ITGAX: variants seen among roughly 807,000 people sequenced by gnomAD.
The protein encoded by ITGAX is integrin subunit alpha X.
In ITGAX, 99 loss-of-function variants were observed where a neutral mutation model predicts 140.2. The ratio of observed to expected loss-of-function variants is 0.71; its 90% CI spans 0.60 to 0.83. The LOEUF (loss-of-function observed/expected upper bound fraction) is 0.83, where lower values mean the gene tolerates loss of function less well. ITGAX is among the 40% of genes least tolerant of loss of function. The probability of loss-of-function intolerance (pLI) is 0.00; values close to 1 mark genes in which losing one functional copy is unlikely to be tolerated. For missense variants in ITGAX, 1,444 were observed against 1,482.0 expected, an observed-to-expected ratio of 0.97 and a Z score of 0.42; for synonymous variants, 631 against 600.4, an observed-to-expected ratio of 1.05 and a Z score of -0.75.
At chr16:31,361,542 C>T (rs1014166386) in intron 9 of ITGAX, 17 of 698,006 alleles carry the variant, frequency 2.4e-5, no homozygotes, top group Non-Finnish European at 4.3e-5. Flanking sequence ...ATCCCACCAG[C>T]CACTCACTCC....
At chr16:31,378,693 A>T (rs939052156) in intron 23 of ITGAX, among the ~76,000 whole-genome samples, 1 of 151,890 alleles carries the variant, frequency 6.6e-6, no homozygotes, top group Non-Finnish European at 1.5e-5. Context: ...GCTGATCTTG[A>T]ATCCTGGCCT....
At chr16:31,380,687 G>A (rs1316724848) in intron 28 of ITGAX, 63 bp downstream of exon 28, 1 of 1,595,726 alleles carries the variant, frequency 6.3e-7, no homozygotes, top group Non-Finnish European at 8.6e-7. Flanking sequence ...TACATCTGTG[G>A]TGCTGGGTGG....
At position 31,372,465 on chromosome 16, in the gene ITGAX, C is replaced by T. The variant is rs139559004; in HGVS notation, c.2248C>T (p.Arg750Trp). 2,143 of 1,607,304 alleles carry T rather than the reference C, an allele frequency of 1.3e-3. 12 individuals are homozygous for T. Among genetic ancestry groups the T allele is most frequent in the Non-Finnish European group, 1.0e-3 (1,202 of 1,178,346 alleles). ...GKPLLAFRNL[R>W]PMLAADAQRY... ...GCCCCTCCTTGCCTTCAGAAACCTGCGGCCTATGCTGGCCGCCGATGCTCA... is the reference window on the plus strand; with the variant it reads ...GCCCCTCCTTGCCTTCAGAAACCTGTGGCCTATGCTGGCCGCCGATGCTCA... Residue 750 changes from arginine (R) to tryptophan (W), a missense_variant, in exon 18 of 30, where the codon CGG becomes TGG. Arg to Trp is a moderately radical substitution (Grantham distance 101). Coordinates refer to ENST00000268296, the MANE Select transcript of ITGAX (RefSeq NM_000887.5).
chr16:31,362,683 C>G lies in ITGAX; in HGVS notation c.1289C>G (p.Thr430Ser). 6.2e-7 allele frequency: 1 copy of G among 1,613,770 alleles called. No individual in the cohort carries two copies. The highest frequency in any genetic ancestry group is 1.3e-5 in the African/African-American group (1 of 74,960). The change falls in exon 12 of 30, where the codon ACC (threonine) becomes AGC (serine). Residue 430 changes from threonine to serine, a missense_variant. Transcript: ENST00000268296. ...CTGGGGGCCCCCCGCTACCAGCACA[C>G]CGGGAAGGCTGTCATCTTCACCCAG... ...LVLGAPRYQH[T>S]GKAVIFTQVS...
chr16:31,371,318 G>T lies in ITGAX; in HGVS notation c.1842-16G>T. 6.2e-7 allele frequency: 1 copy of T among 1,613,356 alleles called. No homozygotes were observed. The highest frequency in any genetic ancestry group is 1.1e-5 in the South Asian group (1 of 91,070). On this transcript the variant is annotated splice_polypyrimidine_tract_variant and intron_variant, in intron 15 of 29. Transcript: ENST00000268296. ...GGAGCCGACGGCCTGTCCTCAGCTC[G>T]GTGCTCTGCCCGCAGGACCAGACCT... is the stretch of plus-strand genomic sequence containing the variant.
intron 8 of ITGAX, 80 bp from the exon 9 acceptor site, chr16:31,360,983 T>G: frequency 7.5e-7 from 1 of 1,333,146 alleles, no homozygotes; most frequent in Non-Finnish European, 1.1e-6. Context: ...TCTTGTGGGG[T>G]TATTGGAAGA....
intron 9 of ITGAX, chr16:31,361,504 C>T: frequency 1.5e-6 from 1 of 675,242 alleles, no homozygotes; most frequent in Non-Finnish European, 2.6e-6. Flanking sequence ...GAGACCCTTC[C>T]ACCCACACCG....
chr16:31,362,519 G>A (rs1208544959), intron 11 of ITGAX, 92 bp from the exon 12 acceptor site: 15 of 1,459,574 alleles, frequency 1.0e-5, no homozygotes, highest in Non-Finnish European at 1.3e-5. Flanking sequence ...GGGTTCTGGG[G>A]AGGGGAGATG....
intron 14 of ITGAX, among the ~76,000 whole-genome samples, chr16:31,364,383 C>T (rs1163202816): frequency 1.5e-5 from 2 of 137,614 alleles, no homozygotes; most frequent in South Asian, 2.3e-4. Flanking sequence ...GCTATGATTG[C>T]GTCACTTCAC....
intron 10 of ITGAX, 34 bp from the exon 11 acceptor site, chr16:31,362,041 G>T (rs1247432359): frequency 1.2e-6 from 2 of 1,614,004 alleles, no homozygotes; most frequent in South Asian, 2.2e-5. Context: ...TCCTGCTCCG[G>T]CCTCTGCTCA....
chr16:31,355,368 C>CT, intron 1 of ITGAX, 77 bp downstream of exon 1: 1 of 1,513,072 alleles, frequency 6.6e-7, no homozygotes. Context: ...GGGGCTCAGG[C>CT]TGGGGGGTTA....
rs182462635 is a variant in ITGAX, at chr16:31,361,587, C to T, written c.1013-249C>T. On this transcript the variant is annotated intron_variant, in intron 9 of 29. Transcript: ENST00000268296. ...GGGGCACACGGACACCTGGCCCCCT[C>T]GGGTCTGCTTGTAGACCTGTGGGGG... The T allele has an allele frequency of 3.1e-4, 221 of 714,250 alleles. No individual in the cohort carries two copies. In the East Asian group the frequency reaches 3.6e-3, roughly 12 times the overall value. The allele number at this position is 714,250 out of a possible 1,614,324, so 44.2% of individuals were successfully genotyped here. A position where few individuals can be genotyped will look rare whatever the true frequency, so the allele number is the denominator to read the frequency against.
chr16:31,371,150 G>C lies in ITGAX; in HGVS notation c.1777G>C (p.Asp593His). ...TGGGCAGGCACTGAGCGGGGGTCAAGACCTCACCCAGGATGGACTGGTGGA... is the reference window on the plus strand; with the variant it reads ...TGGGCAGGCACTGAGCGGGGGTCAACACCTCACCCAGGATGGACTGGTGGA... ...YFGQALSGGQ[D>H]LTQDGLVDLA... The change falls in exon 15 of 30, where the codon GAC (aspartate) becomes CAC (histidine). Residue 593 changes from aspartate to histidine, a missense_variant. By Grantham distance (81) the Asp-to-His change is moderately conservative. Transcript: ENST00000268296. 1.2e-6 allele frequency: 2 copies of C among 1,613,948 alleles called. No homozygotes were observed. Among genetic ancestry groups the C allele is most frequent in the Non-Finnish European group, 1.7e-6 (2 of 1,179,936 alleles).
Position 31,362,749 on chromosome 16 carries a change from C to G in ITGAX, c.1355C>G (p.Thr452Ser). The G allele has an allele frequency of 6.2e-7, 1 of 1,613,638 alleles. No individual in the cohort carries two copies. Among genetic ancestry groups the G allele is most frequent in the African/African-American group, 1.3e-5 (1 of 74,944 alleles). The change falls in exon 12 of 30, where the codon ACT becomes AGT. Residue 452 changes from threonine (T) to serine (S), a missense_variant. Physicochemically the swap from Thr to Ser is moderately conservative, Grantham distance 58 (BLOSUM62 1). Coordinates refer to ENST00000268296, the MANE Select transcript of ITGAX (RefSeq NM_000887.5). ...QWRMKAEVTG[T>S]QIGSYFGASL... The stretch of plus-strand genomic sequence containing the variant: ...AGGATGAAGGCCGAAGTCACGGGGA[C>G]TCAGGTTGGGCGTGACAGGAGCCAG...
intron 3 of ITGAX, 89 bp downstream of exon 3, chr16:31,356,817 A>G: frequency 9.8e-7 from 1 of 1,017,262 alleles, no homozygotes; most frequent in Non-Finnish European, 1.5e-6. Flanking sequence ...TGTCACTTTC[A>G]GCTTCCACTG....
At chr16:31,356,097 T>A in intron 2 of ITGAX, 99 bp downstream of exon 2, 1 of 826,306 alleles carries the variant, frequency 1.2e-6, no homozygotes, top group Non-Finnish European at 2.0e-6. Context: ...AACTCTCCTC[T>A]CTGTCTGGTG....
intron 14 of ITGAX, 130 bp downstream of exon 14, chr16:31,363,504 T>A: frequency 9.6e-7 from 1 of 1,036,916 alleles, no homozygotes; most frequent in South Asian, 1.3e-5. Flanking sequence ...CTTGTAGCAG[T>A]GGCGTGGTCT....
Position 31,382,241 on chromosome 16 carries a change from TTTCTTTTC to T in ITGAX, c.*337_*344del. The T allele has an allele frequency of 8.9e-7, 1 of 1,126,326 alleles. No homozygotes were observed. Among genetic ancestry groups the T allele is most frequent in the South Asian group, 2.0e-5 (1 of 49,632 alleles). 69.8% of individuals were successfully genotyped at this position (1,126,326 alleles called of 1,614,324 possible). The stretch of plus-strand genomic sequence containing the variant: ...TTTCTTTCCTTTCTTTTTTTTTTTT[TTTCTTTTC>T]TTTTTTTTTTTTTTGAGACGGAGTC... On this transcript the variant is annotated 3_prime_UTR_variant, in exon 30 of 30. Transcript: ENST00000268296.
chr16:31,357,725 G>A lies in ITGAX; in HGVS notation c.430+361G>A, dbSNP rs1367787064. On this transcript the variant is annotated intron_variant, in intron 5 of 29. Coordinates refer to ENST00000268296, the MANE Select transcript of ITGAX (RefSeq NM_000887.5). ...AGCTGTTGTTATTTTTAGAGGAGAG[G>A]ATCTATTTTCATCCAATGGGTCCTG... 24 of 440,224 alleles carry A rather than the reference G, an allele frequency of 5.5e-5. No homozygotes were observed. In the Admixed American group the frequency reaches 9.2e-4, roughly 17 times the overall value. The allele number at this position is 440,224 out of a possible 1,614,324, so 27.3% of individuals were successfully genotyped here.
Sources: gnomAD v4.1 joint callset for allele counts (sites outside exome capture counted in the v4.1 genomes callset) on GRCh38, gnomAD v4.1.1 for gene constraint, MANE v1.5 for transcripts, NCBI Gene and HGNC (gene_info 2026-07-23, HGNC 2026-07-21) for gene names.